Variants in RAB31 observed in about 807,000 individuals in gnomAD.
The protein encoded by RAB31 is ras-related protein Rab-31.
RAB31 carries 21 observed loss-of-function variants against 25.6 expected under a neutral mutation model. The ratio of observed to expected loss-of-function variants is 0.82; its 90% CI spans 0.58 to 1.18. The LOEUF (loss-of-function observed/expected upper bound fraction) is 1.18, where lower values mean the gene tolerates loss of function less well. Among genes scored for constraint, RAB31 ranks in the 50% most tolerant of loss-of-function variants. The pLI is 0.00. For synonymous variants in RAB31, 87 were observed against 84.0 expected (o/e 1.04, Z -0.20); for missense variants, 196 against 250.1 (o/e 0.78, Z 1.46).
At chr18:9,816,711 A>C (rs576518190) in intron 5 of RAB31, among the ~76,000 whole-genome samples, 1 of 152,312 alleles carries the variant, frequency 6.6e-6, no homozygotes, top group South Asian at 2.1e-4. Context: ...TGATAGCTTT[A>C]CCTAGCCTGG....
chr18:9,718,235 T>C (rs143009521), intron 1 of RAB31, among the ~76,000 whole-genome samples: 59 of 152,134 alleles, frequency 3.9e-4, no homozygotes, highest in African/African-American at 1.2e-3. Flanking sequence ...TACTTCATTT[T>C]AGCAGCTAAA....
intron 1 of RAB31, among the ~76,000 whole-genome samples, chr18:9,721,388 C>T (rs1354540414): frequency 6.6e-6 from 1 of 152,052 alleles, no homozygotes; most frequent in Non-Finnish European, 1.5e-5. Context: ...CCAAGGCAGG[C>T]AGATCACTTG....
intron 1 of RAB31, among the ~76,000 whole-genome samples, chr18:9,760,546 A>G (rs1256161742): frequency 6.6e-6 from 1 of 152,036 alleles, no homozygotes; most frequent in East Asian, 1.9e-4. Context: ...TCTTCCCTGC[A>G]TTTCAAATAG....
intron 2 of RAB31, among the ~76,000 whole-genome samples, chr18:9,785,742 A>G (rs1019561744): frequency 1.3e-5 from 2 of 152,182 alleles, no homozygotes; most frequent in East Asian, 1.9e-4. Context: ...TTTTTGTCCA[A>G]TCACATTTTT....
rs201857393 is a variant in RAB31 at position 9,828,381 on chromosome 18, TAA to T, written c.380+13161_380+13162del. The stretch of plus-strand genomic sequence containing the variant: ...AATGCCTCGGGTAGTCACTACCAGT[TAA>T]AGAGATCAAACCTATTGGCCATCCT... On this transcript the variant is annotated intron_variant, in intron 5 of 6. Transcript: ENST00000578921. 3.8e-3 allele frequency among the ~76,000 whole-genome samples: 578 copies of T among 152,228 alleles called. 12 individuals carry two copies. Among genetic ancestry groups the T allele is most frequent in the East Asian group, 0.017 (86 of 5,156 alleles).
intron 1 of RAB31, among the ~76,000 whole-genome samples, chr18:9,772,784 A>AAGGGC (rs946766120): frequency 1.8e-4 from 28 of 152,158 alleles, no homozygotes; most frequent in Admixed American, 1.2e-3. Context: ...CCTAATCTTC[A>AAGGGC]AGGGCAGGGC....
At chr18:9,769,459 T>G (rs2068333016) in intron 1 of RAB31, among the ~76,000 whole-genome samples, 1 of 152,216 alleles carries the variant, frequency 6.6e-6, no homozygotes, top group Non-Finnish European at 1.5e-5. Context: ...TTGCAGCAAT[T>G]GTGAATGGGA....
intron 5 of RAB31, among the ~76,000 whole-genome samples, chr18:9,836,451 C>G (rs16955729): frequency 0.034 from 5,196 of 152,256 alleles, 130 homozygotes; most frequent in East Asian, 0.11. Flanking sequence ...TGTGCCCTAG[C>G]TATAGTCATC....
At chr18:9,777,170 C>CG (rs35931435) in intron 2 of RAB31, among the ~76,000 whole-genome samples, 98,044 of 151,722 alleles carry the variant, frequency 0.65, 31,762 homozygotes, top group Admixed American at 0.7. Context: ...GGTGAAACCC[C>CG]TCTCTACTAA....
chr18:9,827,170 A>G (rs910606511), intron 5 of RAB31, among the ~76,000 whole-genome samples: 3 of 151,872 alleles, frequency 2.0e-5, no homozygotes, highest in African/African-American at 7.3e-5. Flanking sequence ...CCTTCATTTC[A>G]TGGCTTCTAA....
Position 9,861,345 on chromosome 18 carries a change from C to A in RAB31, c.*2020C>A, listed in dbSNP as rs988683802. The A allele has an allele frequency of 6.6e-6, 1 of 152,186 alleles. No individual in the cohort carries two copies. Among genetic ancestry groups the A allele is most frequent in the Non-Finnish European group, 1.5e-5 (1 of 68,038 alleles). The allele number at this position is 152,186 out of a possible 1,614,324, so 9.4% of individuals were successfully genotyped here. A position where few individuals can be genotyped will look rare whatever the true frequency, so the allele number is the denominator to read the frequency against. On this transcript the variant is annotated 3_prime_UTR_variant, in exon 7 of 7. Coordinates refer to ENST00000578921, the MANE Select transcript of RAB31 (RefSeq NM_006868.4). ...TCTAGTCTTTGCCACAGATAGTGAG[C>A]TACCCACTAATGAGCCCATGGTTTT...
intron 5 of RAB31, among the ~76,000 whole-genome samples, chr18:9,824,582 G>A (rs1051684063): frequency 3.3e-5 from 5 of 152,124 alleles, no homozygotes; most frequent in African/African-American, 4.8e-5. Context: ...AATGGAATTC[G>A]CCCTCCAACC....
intron 3 of RAB31, among the ~76,000 whole-genome samples, chr18:9,813,227 A>G (rs1297011623): frequency 6.6e-6 from 1 of 152,112 alleles, no homozygotes; most frequent in African/African-American, 2.4e-5. Context: ...GAGAGGTGGC[A>G]GCCCCTCCAG....
At chr18:9,850,437 T>C (rs550948733) in intron 6 of RAB31, among the ~76,000 whole-genome samples, 2 of 152,342 alleles carry the variant, frequency 1.3e-5, no homozygotes, top group South Asian at 2.1e-4. Flanking sequence ...TTTGTGGATT[T>C]TAATTACTTA....
chr18:9,809,591 A>G (rs1177915339), intron 3 of RAB31, among the ~76,000 whole-genome samples: 1 of 152,154 alleles, frequency 6.6e-6, no homozygotes, highest in African/African-American at 2.4e-5. Context: ...TCAGGAAAAT[A>G]CCACACTAGG....
chr18:9,786,986 G>A lies in RAB31; in HGVS notation c.120-5168G>A, dbSNP rs375924308. ...CTCAAAAAAAATCTCACTGTTAGAA[G>A]AGACCAACATGATAGAAGGGATGCA... On this transcript the variant is annotated intron_variant, in intron 2 of 6. Coordinates refer to ENST00000578921, the MANE Select transcript of RAB31 (RefSeq NM_006868.4). The A allele has an allele frequency of 2.5e-5, 4 of 158,644 alleles. No individual in the cohort carries two copies. In the South Asian group the frequency reaches 7.6e-4, roughly 30 times the overall value. The allele number at this position is 158,644 out of a possible 1,614,324, so 9.8% of individuals were successfully genotyped here. A position where few individuals can be genotyped will look rare whatever the true frequency, so the allele number is the denominator to read the frequency against.
chr18:9,719,585 A>G (rs2068064179), intron 1 of RAB31, among the ~76,000 whole-genome samples: 1 of 151,360 alleles, frequency 6.6e-6, no homozygotes, highest in African/African-American at 2.4e-5. Context: ...TCCTCATTTA[A>G]CTTCTTTTTT....
Position 9,719,338 on chromosome 18 carries a change from A to T in RAB31, c.39+10894A>T, listed in dbSNP as rs1483204676. Among the ~76,000 whole-genome samples the T allele has an allele frequency of 6.5e-4, 65 of 99,314 alleles. 2 individuals are homozygous for T. Among genetic ancestry groups the T allele is most frequent in the Non-Finnish European group, 1.0e-3 (50 of 49,896 alleles). 65.2% of individuals were successfully genotyped at this position (99,314 alleles called of 152,430 possible). ...ATATATATATATATATAAATAAATA[A>T]ATTTGATCTAATTATGAGGGAGGGG... On this transcript the variant is annotated intron_variant, in intron 1 of 6. Transcript: ENST00000578921.
chr18:9,762,324 T>C (rs916125563), intron 1 of RAB31, among the ~76,000 whole-genome samples: 2 of 152,356 alleles, frequency 1.3e-5, no homozygotes, highest in Admixed American at 6.5e-5. Context: ...AAGATTGTCT[T>C]GTAAAAAATT....
Sources: gnomAD v4.1 joint callset for allele counts (sites outside exome capture counted in the v4.1 genomes callset) on GRCh38, gnomAD v4.1.1 for gene constraint, MANE v1.5 for transcripts, NCBI Gene and HGNC (gene_info 2026-07-23, HGNC 2026-07-21) for gene names.